The following EIF3L variants were observed in gnomAD, a reference collection of about 807,000 sequenced individuals.
EIF3L encodes the protein eukaryotic translation initiation factor 3 subunit L.
In EIF3L, 32 loss-of-function variants were observed where a neutral mutation model predicts 74.6. The observed-to-expected ratio is 0.43, with a 90% CI of 0.32 to 0.58. The LOEUF is 0.58. Among genes scored for constraint, EIF3L ranks in the 20% least tolerant of loss-of-function variants. The probability of loss-of-function intolerance (pLI) is 0.06; values close to 1 mark genes in which losing one functional copy is unlikely to be tolerated. For missense variants in EIF3L, 474 were observed against 707.8 expected, an observed-to-expected ratio of 0.67 and a Z score of 3.75; for synonymous variants, 256 against 254.4, an observed-to-expected ratio of 1.01 and a Z score of -0.06.
intron 3 of EIF3L, among the ~76,000 whole-genome samples, chr22:37,852,755 C>G (rs1011344656): frequency 3.3e-5 from 5 of 151,988 alleles, no homozygotes; most frequent in African/African-American, 1.2e-4. Flanking sequence ...CAAGGTCCTT[C>G]CCGCCCCTGC....
chr22:37,883,925 A>T (rs947712185), intron 11 of EIF3L: 21 of 151,384 alleles, frequency 1.4e-4, no homozygotes, highest in Non-Finnish European at 2.2e-4. Flanking sequence ...ATAAATAAAT[A>T]GAATGAATGA....
chr22:37,852,108 G>A (rs988853514), intron 3 of EIF3L, among the ~76,000 whole-genome samples: 12 of 152,008 alleles, frequency 7.9e-5, no homozygotes, highest in Admixed American at 7.9e-4. Flanking sequence ...CCGGCCTGTT[G>A]GACTTTATAT....
At position 37,877,703 on chromosome 22, in the gene EIF3L, G is replaced by A. The variant is rs192349031; in HGVS notation, c.1107G>A (p.Ala369=). 10 of 1,609,738 alleles carry A rather than the reference G, an allele frequency of 6.2e-6. No individual in the cohort carries two copies. Among genetic ancestry groups the A allele is most frequent in the African/African-American group, 2.7e-5 (2 of 74,958 alleles). The change falls in exon 11 of 13, where the codon GCG becomes GCA. Residue 369 remains alanine, a synonymous_variant. Transcript: ENST00000652021. ...MINKQNEQMH[A]LLAIALTMYP... ...ACAAGCAGAATGAGCAGATGCATGC[G>A]CTGCTGGCCATTGCCCTCACGATGT...
chr22:37,873,747 A>AACAACTGAT (rs2145830243), intron 8 of EIF3L, among the ~76,000 whole-genome samples: 1 of 152,286 alleles, frequency 6.6e-6, no homozygotes, highest in Admixed American at 6.5e-5. Flanking sequence ...ACAAACAAAA[A>AACAACTGAT]ACAACTGATA....
At chr22:37,854,591 C>T (rs1162497594) in intron 3 of EIF3L, among the ~76,000 whole-genome samples, 1 of 152,198 alleles carries the variant, frequency 6.6e-6, no homozygotes, top group East Asian at 1.9e-4. Flanking sequence ...CCTCAGCTTC[C>T]CAAGTAGTTG....
At chr22:37,884,888 G>A (rs1036251826) in intron 11 of EIF3L, 2 of 140,070 alleles carry the variant, frequency 1.4e-5, no homozygotes, top group Admixed American at 1.5e-4. Flanking sequence ...CCCTTGCCAG[G>A]ATCATGTCAA....
chr22:37,860,491 G>A (rs1235607571), intron 5 of EIF3L, among the ~76,000 whole-genome samples: 2 of 152,238 alleles, frequency 1.3e-5, no homozygotes, highest in East Asian at 3.9e-4. Context: ...TCCTTCCTCA[G>A]CCTCCTGAGT....
At chr22:37,862,854 AAG>A (rs1301185891) in intron 5 of EIF3L, 113 bp from the exon 6 acceptor site, 10 of 753,144 alleles carry the variant, frequency 1.3e-5, no homozygotes, top group Middle Eastern at 3.3e-4. Flanking sequence ...CATAGTAAGA[AAG>A]AGAGGACAGA....
chr22:37,863,630 C>G (rs569249011), intron 7 of EIF3L, among the ~76,000 whole-genome samples: 2 of 152,166 alleles, frequency 1.3e-5, no homozygotes, highest in African/African-American at 2.4e-5. Flanking sequence ...GCTTCACAGG[C>G]TTTGGAGCGA....
chr22:37,855,801 G>C (rs575367959), intron 4 of EIF3L, among the ~76,000 whole-genome samples, 157 bp downstream of exon 4: 3 of 152,238 alleles, frequency 2.0e-5, no homozygotes, highest in East Asian at 1.9e-4. Flanking sequence ...CTTGTCGAAG[G>C]CTGGATGATT....
intron 11 of EIF3L, chr22:37,884,707 C>T (rs7291211): frequency 1.3e-5 from 2 of 151,996 alleles, no homozygotes; most frequent in African/African-American, 4.8e-5. Context: ...GAGAGAGTCC[C>T]TTATAGCCCC....
intron 3 of EIF3L, among the ~76,000 whole-genome samples, chr22:37,854,638 T>C (rs1925399948): frequency 2.0e-5 from 3 of 152,190 alleles, no homozygotes; most frequent in Admixed American, 2.0e-4. Context: ...TGGCTAATTT[T>C]GTATTTTTAG....
chr22:37,859,306 A>G (rs1473280776), intron 5 of EIF3L, among the ~76,000 whole-genome samples: 1 of 147,702 alleles, frequency 6.8e-6, no homozygotes, highest in Non-Finnish European at 1.5e-5. Context: ...TCTACACATT[A>G]TCCCAACTTT....
Position 37,858,689 on chromosome 22 carries a change from C to A in EIF3L, c.384C>A (p.Phe128Leu), listed in dbSNP as rs562553668. ...IAPQVGNDAV[F>L]LILYKELYYR... ...TGCCATCTCTTTCAGATGCTGTCTT[C>A]CTGATTTTATACAAAGAATTATACT... The change falls in exon 5 of 13, where the codon TTC becomes TTA. Residue 128 changes from phenylalanine (F) to leucine (L), a missense_variant. By Grantham distance (22) the Phe-to-Leu change is conservative. This residue lies in a region of EIF3L where 141 missense variants were observed against 197.7 expected (regional missense o/e 0.71). Coordinates refer to ENST00000652021, the MANE Select transcript of EIF3L (RefSeq NM_016091.4). 1 of 1,611,430 alleles carries A rather than the reference C, an allele frequency of 6.2e-7. No homozygotes were observed.
chr22:37,872,514 A>G (rs1926528812), intron 8 of EIF3L, among the ~76,000 whole-genome samples: 1 of 152,196 alleles, frequency 6.6e-6, no homozygotes, highest in Non-Finnish European at 1.5e-5. Context: ...AAAAAGTCAG[A>G]TTTGTTACTT....
chr22:37,868,634 CTTTTTTTTTTTTTTT>C (rs71195065), intron 7 of EIF3L, among the ~76,000 whole-genome samples: 1 of 25,132 alleles, frequency 4.0e-5, no homozygotes, highest in South Asian at 1.5e-3. Flanking sequence ...TGTTTTGGTG[CTTTTTTTTTTTTTTT>C]TTTTTTTTTT....
chr22:37,873,075 G>C (rs992735791), intron 8 of EIF3L, among the ~76,000 whole-genome samples: 1 of 151,246 alleles, frequency 6.6e-6, no homozygotes, highest in African/African-American at 2.4e-5. Flanking sequence ...TGCAACCTCC[G>C]CCTCCCAAGT....
At chr22:37,881,219 T>G (rs1384630089) in intron 11 of EIF3L, 1 of 152,146 alleles carries the variant, frequency 6.6e-6, no homozygotes, top group Non-Finnish European at 1.5e-5. Context: ...CATTTTAATG[T>G]CTGATGAGAT....
intron 3 of EIF3L, 199 bp downstream of exon 3, chr22:37,851,689 G>C: frequency 2.1e-6 from 1 of 484,334 alleles, no homozygotes; most frequent in Non-Finnish European, 3.8e-6. Context: ...TTTTTGAAAC[G>C]GAGTGTCACT....
Sources: allele counts gnomAD v4.1 joint callset (sites outside exome capture counted in the v4.1 genomes callset), GRCh38; gene constraint gnomAD v4.1.1; regional missense constraint gnomAD v4.1.1; transcripts MANE v1.5; gene names NCBI Gene and HGNC (gene_info 2026-07-23, HGNC 2026-07-21).